The following PCNX1 variants were observed in gnomAD, a reference collection of about 807,000 sequenced individuals.
The protein encoded by PCNX1 is pecanex 1, also known as pecanex-like protein 1.
A neutral mutation model predicts 242.2 loss-of-function variants in PCNX1; 78 were observed. The ratio of observed to expected loss-of-function variants is 0.32; its 90% CI spans 0.27 to 0.39. The LOEUF is 0.39. Among genes scored for constraint, PCNX1 ranks in the 10% least tolerant of loss-of-function variants. PCNX1 has a pLI of 1.00. For missense variants in PCNX1, 2,581 were observed against 2,856.5 expected, an observed-to-expected ratio of 0.90 and a Z score of 2.20; for synonymous variants, 1,024 against 1,032.9, an observed-to-expected ratio of 0.99 and a Z score of 0.17.
At chr14:71,052,356 G>A (rs2061061076) in intron 24 of PCNX1, among the ~76,000 whole-genome samples, 1 of 151,988 alleles carries the variant, frequency 6.6e-6, no homozygotes, top group Admixed American at 6.6e-5. Flanking sequence ...GAGGACTACA[G>A]GCTTGAGCCA....
intron 2 of PCNX1, among the ~76,000 whole-genome samples, chr14:70,947,783 CGGGCTGGGCG>C (rs1449248195): frequency 5.9e-5 from 9 of 152,296 alleles, no homozygotes; most frequent in African/African-American, 2.2e-4. Context: ...TGACTGCCTG[CGGGCTGGGCG>C]GAACAGAGTC....
intron 19 of PCNX1, among the ~76,000 whole-genome samples, chr14:71,043,988 G>A (rs553160623): frequency 6.6e-6 from 1 of 152,286 alleles, no homozygotes; most frequent in Admixed American, 6.5e-5. Context: ...AAGAAAGACT[G>A]TTTCCTTTAG....
intron 28 of PCNX1, among the ~76,000 whole-genome samples, chr14:71,079,722 G>A (rs894580822): frequency 1.3e-5 from 2 of 151,762 alleles, no homozygotes; most frequent in Non-Finnish European, 2.9e-5. Flanking sequence ...CTTTTGGATC[G>A]GGTTTTTTTT....
At position 71,109,615 on chromosome 14, in the gene PCNX1, G is replaced by A. The variant is rs763271763; in HGVS notation, c.6885+23G>A. On this transcript the variant is annotated intron_variant, in intron 35 of 35. Transcript: ENST00000304743. Reference sequence around the variant, plus strand: ...CATGTAAGTTCTTTTACAAGCTGGCGGTCTGGGGCTCTGCCTTTTTTGAAG... The same window carrying A: ...CATGTAAGTTCTTTTACAAGCTGGCAGTCTGGGGCTCTGCCTTTTTTGAAG... 1.1e-5 allele frequency: 17 copies of A among 1,613,482 alleles called. No homozygotes were observed. The Admixed American group carries it at 1.8e-4, about 17-fold the overall frequency.
intron 12 of PCNX1, among the ~76,000 whole-genome samples, chr14:71,021,610 T>C (rs1374151554): frequency 2.6e-5 from 4 of 152,200 alleles, no homozygotes; most frequent in Non-Finnish European, 5.9e-5. Context: ...GACCCATCCA[T>C]ACTTTCCTCA....
At chr14:70,937,173 A>G (rs573595145) in intron 1 of PCNX1, among the ~76,000 whole-genome samples, 1 of 152,226 alleles carries the variant, frequency 6.6e-6, no homozygotes, top group East Asian at 1.9e-4. Context: ...TTTTGTTGCC[A>G]TTGCTTTTGG....
chr14:70,920,475 C>T (rs72724313), intron 1 of PCNX1, among the ~76,000 whole-genome samples: 39,453 of 151,890 alleles, frequency 0.26, 6,530 homozygotes, highest in Non-Finnish European at 0.37. Flanking sequence ...AAAGGTTTTA[C>T]ATCTATGATA....
At chr14:71,014,002 A>G (rs746337794) in intron 11 of PCNX1, among the ~76,000 whole-genome samples, 30 of 152,192 alleles carry the variant, frequency 2.0e-4, no homozygotes, top group Non-Finnish European at 3.5e-4. Flanking sequence ...GAGTATGGAT[A>G]TGTTCCTGTA....
rs746291855 is a variant in PCNX1, at chr14:71,047,957, C to T, written c.4311C>T (p.Leu1437=). 4 of 1,612,364 alleles carry T rather than the reference C, an allele frequency of 2.5e-6. No homozygotes were observed. In the African/African-American group the frequency reaches 5.3e-5, roughly 22 times the overall value. ...EAFSETMLLD[L]FFMSILFNKL... ...TTTCAGAGACCATGCTGTTGGATCT[C>T]TTCTTTATGTCCATACTCTTCAACA... The change falls in exon 22 of 36, where the codon CTC becomes CTT. Residue 1437 remains leucine, a synonymous_variant. Transcript: ENST00000304743.
At chr14:70,972,077 A>T (rs1566639395) in intron 5 of PCNX1, among the ~76,000 whole-genome samples, 1 of 152,200 alleles carries the variant, frequency 6.6e-6, no homozygotes, top group Non-Finnish European at 1.5e-5. Flanking sequence ...CACAGATCAG[A>T]GTAGTGAGAA....
At chr14:71,023,614 C>G (rs1429683662) in intron 13 of PCNX1, among the ~76,000 whole-genome samples, 1 of 152,034 alleles carries the variant, frequency 6.6e-6, no homozygotes, top group African/African-American at 2.4e-5. Flanking sequence ...TATATTATTT[C>G]ACTTGAGTAA....
At chr14:71,084,242 C>T (rs55685004) in intron 28 of PCNX1, among the ~76,000 whole-genome samples, 16,217 of 152,214 alleles carry the variant, frequency 0.11, 1,018 homozygotes, top group Middle Eastern at 0.24. Flanking sequence ...GAGGGGCACC[C>T]GGCAGGTGCC....
chr14:71,111,458 A>G lies in PCNX1; in HGVS notation c.*1523A>G, dbSNP rs2062752473. The G allele has an allele frequency of 6.6e-6, 1 of 152,540 alleles. No individual in the cohort carries two copies. Among genetic ancestry groups the G allele is most frequent in the Non-Finnish European group, 1.5e-5 (1 of 68,004 alleles). The allele number at this position is 152,540 out of a possible 1,614,324, so 9.4% of individuals were successfully genotyped here. ...TTGTTTCACCCAGTATAGTCAAAGTATTACTATTTCATCATATGTCACTAG... is the reference window on the plus strand; with the variant it reads ...TTGTTTCACCCAGTATAGTCAAAGTGTTACTATTTCATCATATGTCACTAG... On this transcript the variant is annotated 3_prime_UTR_variant, in exon 36 of 36. Transcript: ENST00000304743.
At chr14:71,081,193 C>T (rs1251595914) in intron 28 of PCNX1, among the ~76,000 whole-genome samples, 1 of 152,150 alleles carries the variant, frequency 6.6e-6, no homozygotes, top group Non-Finnish European at 1.5e-5. Flanking sequence ...ATATGTTGAA[C>T]CAGCCTTGCA....
In PCNX1 at chr14:71,033,980, G is replaced by C; in HGVS notation, c.3718G>C (p.Glu1240Gln). ...IFPKTEEKNPEDPLSEVKDPL... is the reference protein window; with the variant it reads ...IFPKTEEKNPQDPLSEVKDPL... ...TCCAAAAACGGAAGAGAAAAATCCA[G>C]AAGACCCTCTATCTGAAGTAAAAGA... is the stretch of plus-strand genomic sequence containing the variant. Residue 1240 changes from glutamate to glutamine, a missense_variant, in exon 18 of 36, where the codon GAA becomes CAA. Physicochemically the swap from Glu to Gln is conservative, Grantham distance 29 (BLOSUM62 2). Around this residue, in one of 9 missense-constraint regions of PCNX1, gnomAD observed 432 missense variants for 443.1 expected, o/e 0.97. Transcript: ENST00000304743. The C allele has an allele frequency of 6.2e-7, 1 of 1,609,072 alleles. No homozygotes were observed. The highest frequency in any genetic ancestry group is 8.5e-7 in the Non-Finnish European group (1 of 1,177,522).
At chr14:70,930,627 T>A (rs2140155088) in intron 1 of PCNX1, among the ~76,000 whole-genome samples, 1 of 152,306 alleles carries the variant, frequency 6.6e-6, no homozygotes, top group African/African-American at 2.4e-5. Context: ...TAGCAGACAT[T>A]TGCAGAAATA....
chr14:70,949,478 A>G (rs560318808), intron 2 of PCNX1, among the ~76,000 whole-genome samples: 1 of 151,936 alleles, frequency 6.6e-6, no homozygotes, highest in Non-Finnish European at 1.5e-5. Context: ...GTGTATATAT[A>G]TACACACACA....
chr14:70,998,532 C>T (rs564380364), intron 8 of PCNX1, among the ~76,000 whole-genome samples: 3 of 151,980 alleles, frequency 2.0e-5, no homozygotes, highest in South Asian at 2.1e-4. Flanking sequence ...GGGCAGATCA[C>T]TTGAGGTCAG....
In PCNX1 at chr14:71,103,537, C is replaced by T. The variant is rs1354067467; in HGVS notation, c.5963C>T (p.Pro1988Leu). The change falls in exon 32 of 36, where the codon CCT becomes CTT. Residue 1988 changes from proline to leucine, a missense_variant. By Grantham distance (98) the Pro-to-Leu change is moderately conservative (BLOSUM62 -3). Transcript: ENST00000304743. ...RNMINSSCDQ[P>L]IGYPIFVSPL... ...ATGATAAACTCATCTTGTGATCAACCTATTGGCTACCCAATCTTTGTCTCA... is the reference window on the plus strand; with the variant it reads ...ATGATAAACTCATCTTGTGATCAACTTATTGGCTACCCAATCTTTGTCTCA... 1 of 1,614,050 alleles carries T rather than the reference C, an allele frequency of 6.2e-7. No individual in the cohort carries two copies. The highest frequency in any genetic ancestry group is 1.3e-5 in the African/African-American group (1 of 74,916).
Sources: gnomAD v4.1 joint callset for allele counts (sites outside exome capture counted in the v4.1 genomes callset) on GRCh38, gnomAD v4.1.1 for gene constraint, gnomAD v4.1.1 regional missense constraint, MANE v1.5 for transcripts, NCBI Gene and HGNC (gene_info 2026-07-23, HGNC 2026-07-21) for gene names.